Variants in ADCY5 observed in about 807,000 individuals in gnomAD.
ADCY5 encodes adenylate cyclase 5.
Under a neutral mutation model 119.7 loss-of-function variants are expected in ADCY5, and 30 were observed. That is an observed-to-expected ratio of 0.25 (90% CI 0.19 to 0.34). The LOEUF is 0.34. Ranked by LOEUF, ADCY5 falls within the 10% of genes least tolerant of loss-of-function variation. ADCY5 has a pLI of 1.00. For missense variants in ADCY5, 1,324 were observed against 1,775.2 expected (o/e 0.75, Z 4.57); for synonymous variants, 753 against 762.2 (o/e 0.99, Z 0.20).
rs142935782 is a variant in ADCY5 at position 123,366,097 on chromosome 3, T to C, written c.1135-13516A>G. Among the ~76,000 whole-genome samples, 213 of 152,354 alleles carry C rather than the reference T, an allele frequency of 1.4e-3. 1 individual carries two copies. Among genetic ancestry groups the C allele is most frequent in the Admixed American group, 6.2e-3 (95 of 15,306 alleles). ...ATGATAAAATGATATTCTGGATATA[T>C]TGGGTAAATAAAATATATTATTTAA... On this transcript the variant is annotated intron_variant, in intron 1 of 20. Transcript: ENST00000462833.
In ADCY5 at chr3:123,284,423, C is replaced by CG. The variant is rs1236996396; in HGVS notation, c.*184dup. 3.3e-5 allele frequency: 30 copies of CG among 903,966 alleles called. No individual in the cohort carries two copies. The South Asian group carries it at 5.1e-4, about 15-fold the overall frequency. The allele number at this position is 903,966 out of a possible 1,614,324, so 56.0% of individuals were successfully genotyped here. ...GGGTGCTCGCAGGACGCTGGCACCC[C>CG]GGGGCCTGGGACAGAGGCCGCTGCC... is the stretch of plus-strand genomic sequence containing the variant. On this transcript the variant is annotated 3_prime_UTR_variant, in exon 21 of 21. Transcript: ENST00000462833.
At chr3:123,420,187 G>C (rs6762009) in intron 1 of ADCY5, 104,257 of 152,150 alleles carry the variant, frequency 0.69, 39,625 homozygotes, top group Non-Finnish European at 0.87. Flanking sequence ...CTGTCCAGCA[G>C]AGCTTGATTG....
chr3:123,407,156 A>C (rs1314189116), intron 1 of ADCY5, among the ~76,000 whole-genome samples: 2 of 151,920 alleles, frequency 1.3e-5, no homozygotes, highest in African/African-American at 2.4e-5. Flanking sequence ...GGGTCCCTCA[A>C]GGCCACATAC....
intron 1 of ADCY5, among the ~76,000 whole-genome samples, chr3:123,440,822 G>A (rs1050150995): frequency 6.6e-6 from 1 of 152,256 alleles, no homozygotes; most frequent in South Asian, 2.1e-4. Context: ...AAAAAGGAAG[G>A]GGGGATTGGG....
chr3:123,333,531 G>A (rs1177800717), intron 3 of ADCY5, among the ~76,000 whole-genome samples: 2 of 152,236 alleles, frequency 1.3e-5, no homozygotes, highest in Non-Finnish European at 2.9e-5. Context: ...CTGGAGGGCC[G>A]AGGACGCTGC....
chr3:123,325,625 C>T (rs1941449294), intron 7 of ADCY5, among the ~76,000 whole-genome samples, 163 bp from the exon 8 acceptor site: 1 of 152,206 alleles, frequency 6.6e-6, no homozygotes, highest in South Asian at 2.1e-4. Context: ...TGGAACTCCC[C>T]AGGCAAGCAT....
chr3:123,313,794 A>G (rs958458388), intron 12 of ADCY5, among the ~76,000 whole-genome samples: 3 of 152,150 alleles, frequency 2.0e-5, no homozygotes, highest in Non-Finnish European at 4.4e-5. Flanking sequence ...CAAGACCTAT[A>G]ATCTCTGAGG....
chr3:123,414,738 G>T (rs1300655459), intron 1 of ADCY5, among the ~76,000 whole-genome samples: 1 of 152,066 alleles, frequency 6.6e-6, no homozygotes. Context: ...TGTATTTTTA[G>T]TAGAGATGGG....
chr3:123,380,329 C>T (rs1943989569), intron 1 of ADCY5, among the ~76,000 whole-genome samples: 1 of 152,200 alleles, frequency 6.6e-6, no homozygotes, highest in African/African-American at 2.4e-5. Flanking sequence ...CCATCCCATC[C>T]CCCACAACCA....
At chr3:123,441,984 A>AC in intron 1 of ADCY5, among the ~76,000 whole-genome samples, 1 of 150,822 alleles carries the variant, frequency 6.6e-6, no homozygotes, top group East Asian at 2.0e-4. Context: ...AGGAAGGAAA[A>AC]AAAAAAAAAA....
chr3:123,392,055 G>A lies in ADCY5; in HGVS notation c.1135-39474C>T, dbSNP rs575422999. Among the ~76,000 whole-genome samples the A allele has an allele frequency of 8.0e-4, 122 of 152,254 alleles. 1 individual carries two copies. Among genetic ancestry groups the A allele is most frequent in the Middle Eastern group, 3.4e-3 (1 of 294 alleles). On this transcript the variant is annotated intron_variant, in intron 1 of 20. Transcript: ENST00000462833. ...GAAAGCCTGCCTGCTCTGGACGAGCGCCTCCTCCTCACATCTAAAGCATTT... is the reference window on the plus strand; with the variant it reads ...GAAAGCCTGCCTGCTCTGGACGAGCACCTCCTCCTCACATCTAAAGCATTT...
rs59053770 is a variant in ADCY5 at position 123,330,114 on chromosome 3, T to C, written c.1646+775A>G. Among the ~76,000 whole-genome samples, 120 of 152,306 alleles carry C rather than the reference T, an allele frequency of 7.9e-4. 1 individual carries two copies. The East Asian group carries it at 0.023, about 29-fold the overall frequency. ...GGCTCTGTGCTTCCGGGGAGACTGA[T>C]TGTCTAGCTCAGGCTTGCTGGGGAC... On this transcript the variant is annotated intron_variant, in intron 5 of 20. Transcript: ENST00000462833.
At position 123,447,639 on chromosome 3, in the gene ADCY5, A is replaced by G. The variant is rs1364377584; in HGVS notation, c.907T>C (p.Tyr303His). The change falls in exon 1 of 21, where the codon TAT becomes CAT. Residue 303 changes from tyrosine (Y) to histidine (H), a missense_variant. Coordinates refer to ENST00000462833, the MANE Select transcript of ADCY5 (RefSeq NM_183357.3). ...FHQDHMGLAC[Y>H]ALIAVVLAVQ... is the part of the protein sequence containing the mutation. ...GCCAGCACCACGGCGATGAGCGCATAGCAGGCCAGGCCCATGTGGTCCTGG... is the reference window on the plus strand; with the variant it reads ...GCCAGCACCACGGCGATGAGCGCATGGCAGGCCAGGCCCATGTGGTCCTGG... 1.2e-6 allele frequency: 2 copies of G among 1,609,272 alleles called. No homozygotes were observed.
chr3:123,336,934 G>A (rs1942056191), intron 3 of ADCY5, among the ~76,000 whole-genome samples: 1 of 152,210 alleles, frequency 6.6e-6, no homozygotes, highest in African/African-American at 2.4e-5. Context: ...CCCAGCCCCA[G>A]AGATTCTGAC....
In ADCY5 at chr3:123,327,522, C is replaced by T. The variant is rs1398764290; in HGVS notation, c.1947+96G>A. ...CCGCAACTGCATAAGAAATTCATGA[C>T]TTCACTCAAGGAAAGAGAAGGAAGC... is the stretch of plus-strand genomic sequence containing the variant. On this transcript the variant is annotated intron_variant, in intron 7 of 20. Coordinates refer to ENST00000462833, the MANE Select transcript of ADCY5 (RefSeq NM_183357.3). 6 of 1,303,866 alleles carry T rather than the reference C, an allele frequency of 4.6e-6. No individual in the cohort carries two copies. In the African/African-American group the frequency reaches 8.8e-5, roughly 19 times the overall value. The allele number at this position is 1,303,866 out of a possible 1,614,324, so 80.8% of individuals were successfully genotyped here.
intron 1 of ADCY5, among the ~76,000 whole-genome samples, chr3:123,371,556 CACGCGGCCGGACCCAAGCCGGGT>C: frequency 6.6e-6 from 1 of 152,188 alleles, no homozygotes; most frequent in East Asian, 1.9e-4. Context: ...GGGGAAGTGG[CACGCGGCCGGACCCAAGCCGGGT>C]TCTGGTCCTG....
chr3:123,395,728 T>A (rs78963457), intron 1 of ADCY5, among the ~76,000 whole-genome samples: 3,609 of 151,512 alleles, frequency 0.024, 64 homozygotes, highest in Middle Eastern at 0.051. Context: ...AAAAAAAATT[T>A]TTTTAATTGC....
chr3:123,378,641 G>T (rs567771159), intron 1 of ADCY5, among the ~76,000 whole-genome samples: 42 of 152,344 alleles, frequency 2.8e-4, no homozygotes, highest in Middle Eastern at 3.4e-3. Context: ...CTGTCTTAGG[G>T]AAGCCCCACT....
At chr3:123,398,034 G>C (rs902379346) in intron 1 of ADCY5, among the ~76,000 whole-genome samples, 2 of 152,154 alleles carry the variant, frequency 1.3e-5, no homozygotes, top group East Asian at 1.9e-4. Context: ...AGCTGCTCGC[G>C]GGTGTCTTGG....
Sources: allele counts gnomAD v4.1 joint callset (sites outside exome capture counted in the v4.1 genomes callset), GRCh38; gene constraint gnomAD v4.1.1; transcripts MANE v1.5; gene names NCBI Gene and HGNC (gene_info 2026-07-23, HGNC 2026-07-21).